RANBP2: variants seen among roughly 807,000 people sequenced by gnomAD.
The protein encoded by RANBP2 is RAN binding protein 2.
Under a neutral mutation model 303.6 loss-of-function variants are expected in RANBP2, and 57 were observed. The observed-to-expected ratio is 0.19, with a 90% CI of 0.15 to 0.23. The LOEUF (loss-of-function observed/expected upper bound fraction) is 0.23, where lower values mean the gene tolerates loss of function less well. Among genes scored for constraint, RANBP2 ranks in the 10% least tolerant of loss-of-function variants. The pLI, the probability that RANBP2 is intolerant of heterozygous loss-of-function variation, is 1.00. For synonymous variants in RANBP2, 1,167 were observed against 1,301.5 expected (o/e 0.90, Z 2.23); for missense variants, 3,138 against 3,780.8 (o/e 0.83, Z 4.46).
chr2:108,761,106 AT>A (rs534554235), intron 18 of RANBP2, among the ~76,000 whole-genome samples: 26 of 146,016 alleles, frequency 1.8e-4, no homozygotes, highest in African/African-American at 4.5e-4. Context: ...TCAGACTAAG[AT>A]TTTTTTTTTA....
chr2:109,032,080 G>C, the RANBP2 span, among the ~76,000 whole-genome samples: 5 of 151,828 alleles, frequency 3.3e-5, no homozygotes, highest in Non-Finnish European at 7.4e-5. Flanking sequence ...CCCTTTCTTC[G>C]GAGCTTTGTT....
At chr2:109,155,912 G>T in the RANBP2 span, among the ~76,000 whole-genome samples, 1 of 152,238 alleles carries the variant, frequency 6.6e-6, no homozygotes, top group Non-Finnish European at 1.5e-5. Context: ...TGTAACAAGT[G>T]CTGTATTGGA....
At chr2:109,221,551 CA>C in the RANBP2 span, among the ~76,000 whole-genome samples, 1 of 145,120 alleles carries the variant, frequency 6.9e-6, no homozygotes, top group Non-Finnish European at 1.5e-5. Flanking sequence ...CAGTGCACTC[CA>C]GCCTGGGTGA....
At chr2:109,468,632 T>A in the RANBP2 span, among the ~76,000 whole-genome samples, 1 of 151,868 alleles carries the variant, frequency 6.6e-6, no homozygotes, top group Admixed American at 6.6e-5. Context: ...GGCAGGTGGA[T>A]CATTTGAGGT....
At chr2:109,710,825 T>C in the RANBP2 span, among the ~76,000 whole-genome samples, 4 of 152,142 alleles carry the variant, frequency 2.6e-5, no homozygotes, top group Admixed American at 6.5e-5. Flanking sequence ...TTTAGCTGTG[T>C]CAAGTCAGCA....
chr2:109,002,000 G>C, the RANBP2 span, among the ~76,000 whole-genome samples: 1 of 152,178 alleles, frequency 6.6e-6, no homozygotes, highest in South Asian at 2.1e-4. Flanking sequence ...AAAGTGCTGG[G>C]ATTACAGGCA....
At chr2:109,314,972 C>T in the RANBP2 span, among the ~76,000 whole-genome samples, 5 of 152,168 alleles carry the variant, frequency 3.3e-5, no homozygotes, top group South Asian at 1.0e-3. Flanking sequence ...AGTTTGAGAA[C>T]CCCCAGCAGG....
At chr2:108,845,729 G>T in the RANBP2 span, among the ~76,000 whole-genome samples, 3 of 151,864 alleles carry the variant, frequency 2.0e-5, no homozygotes, top group Non-Finnish European at 4.4e-5. Flanking sequence ...CCGCCACCAC[G>T]CCTGGCTATT....
chr2:109,614,914 C>T, the RANBP2 span: 1 of 1,468,558 alleles, frequency 6.8e-7, no homozygotes, highest in Non-Finnish European at 8.9e-7. Context: ...CCCCCCGCCC[C>T]CGCGCACTGG....
the RANBP2 span, among the ~76,000 whole-genome samples, chr2:109,594,433 A>C: frequency 6.6e-6 from 1 of 152,046 alleles, no homozygotes; most frequent in Non-Finnish European, 1.5e-5. Flanking sequence ...TCCTTTGTTT[A>C]TATAAATGGT....
At chr2:108,953,906 C>G in the RANBP2 span, among the ~76,000 whole-genome samples, 1 of 152,096 alleles carries the variant, frequency 6.6e-6, no homozygotes, top group Non-Finnish European at 1.5e-5. Context: ...ATATGGATAT[C>G]CTTTGAAATA....
At chr2:109,016,402 T>C in the RANBP2 span, among the ~76,000 whole-genome samples, 1 of 152,138 alleles carries the variant, frequency 6.6e-6, no homozygotes, top group Non-Finnish European at 1.5e-5. Flanking sequence ...GTGGTATTAT[T>C]GTTACCAACC....
the RANBP2 span, among the ~76,000 whole-genome samples, chr2:109,281,679 T>G: frequency 1.3e-5 from 2 of 152,086 alleles, no homozygotes; most frequent in Non-Finnish European, 2.9e-5. Context: ...TCCCCACAGT[T>G]CTTAGATTCA....
At chr2:109,337,230 T>C in the RANBP2 span, among the ~76,000 whole-genome samples, 5 of 152,246 alleles carry the variant, frequency 3.3e-5, no homozygotes, top group African/African-American at 1.2e-4. Flanking sequence ...CCTTTGGACC[T>C]ATCTGTATTG....
chr2:108,906,223 C>T, the RANBP2 span: 1 of 1,465,200 alleles, frequency 6.8e-7, no homozygotes, highest in African/African-American at 1.4e-5. Flanking sequence ...CTCAGTTCCC[C>T]TCACAGGAGC....
the RANBP2 span, among the ~76,000 whole-genome samples, chr2:109,052,232 T>G: frequency 6.6e-6 from 1 of 152,246 alleles, no homozygotes; most frequent in Non-Finnish European, 1.5e-5. Context: ...TAGCACTGGT[T>G]TTCTGATGCT....
chr2:109,398,665 C>G, the RANBP2 span: 1 of 1,607,496 alleles, frequency 6.2e-7, no homozygotes, highest in Non-Finnish European at 8.5e-7. Context: ...CAATGCCTCC[C>G]TGCCCTCTGA....
the RANBP2 span, among the ~76,000 whole-genome samples, chr2:109,283,625 G>A: frequency 1.3e-5 from 2 of 152,214 alleles, no homozygotes; most frequent in African/African-American, 4.8e-5. Context: ...GCGCTGCAGG[G>A]AGCTGTACTG....
the RANBP2 span, among the ~76,000 whole-genome samples, chr2:109,709,953 G>T: frequency 6.6e-6 from 1 of 151,986 alleles, no homozygotes; most frequent in Non-Finnish European, 1.5e-5. Flanking sequence ...CAGGGGTGGT[G>T]GTGCATGCCT....
Sources: gnomAD v4.1 joint callset for allele counts (sites outside exome capture counted in the v4.1 genomes callset) on GRCh38, gnomAD v4.1.1 for gene constraint, MANE v1.5 for transcripts, NCBI Gene and HGNC (gene_info 2026-07-23, HGNC 2026-07-21) for gene names.